The following TRDN variants were observed in gnomAD, a reference collection of about 807,000 sequenced individuals.
TRDN encodes triadin, also known as triadin in skeletal muscle.
In TRDN, 161 loss-of-function variants were observed where a neutral mutation model predicts 149.7. The ratio of observed to expected loss-of-function variants is 1.08; its 90% CI spans 0.95 to 1.23. The LOEUF is 1.23. Among genes scored for constraint, TRDN ranks in the 50% most tolerant of loss-of-function variants. The pLI is 0.00. For missense variants in TRDN, 896 were observed against 823.5 expected (o/e 1.09, Z -1.08); for synonymous variants, 294 against 250.5 (o/e 1.17, Z -1.64).
intron 38 of TRDN, among the ~76,000 whole-genome samples, chr6:123,233,759 G>A (rs1420246011): frequency 1.3e-5 from 2 of 151,984 alleles, no homozygotes; most frequent in Non-Finnish European, 2.9e-5. Flanking sequence ...GCTTTAAAAA[G>A]TGAGATTGTT....
At chr6:123,510,979 G>A (rs1273238589) in intron 7 of TRDN, among the ~76,000 whole-genome samples, 2 of 152,114 alleles carry the variant, frequency 1.3e-5, no homozygotes, top group East Asian at 3.9e-4. Flanking sequence ...ATCATTTATG[G>A]TGCAGAAGTT....
intron 23 of TRDN, 33 bp downstream of exon 23, chr6:123,331,846 A>T: frequency 7.0e-7 from 1 of 1,438,248 alleles, no homozygotes. Flanking sequence ...AAGGCAGATC[A>T]ATGTGGCTTC....
Position 123,377,717 on chromosome 6 carries a change from T to C in TRDN, c.1245A>G (p.Ser415=). 2 of 1,613,174 alleles carry C rather than the reference T, an allele frequency of 1.2e-6. No individual in the cohort carries two copies. Among genetic ancestry groups the C allele is most frequent in the East Asian group, 2.2e-5 (1 of 44,844 alleles). ...EPAKSPKKEH[S]VPSDKQVKAK... is the part of the protein sequence containing the mutation. ...TCCAGCAACAGTGGTCTTACTCACC[T>C]GAGTGTTCTTTCTTTGGTGACTTTG... The change falls in exon 18 of 41, where the codon TCA becomes TCG. Residue 415 remains serine (S), a splice_region_variant and synonymous_variant. Coordinates refer to ENST00000334268, the MANE Select transcript of TRDN (RefSeq NM_006073.4).
At chr6:123,291,371 T>C (rs181761288) in intron 24 of TRDN, among the ~76,000 whole-genome samples, 3 of 152,132 alleles carry the variant, frequency 2.0e-5, no homozygotes, top group African/African-American at 7.2e-5. Context: ...GGGACCATCC[T>C]GGCTAACACG....
chr6:123,533,480 GT>G (rs1301123040), intron 4 of TRDN, among the ~76,000 whole-genome samples: 1 of 152,054 alleles, frequency 6.6e-6, no homozygotes, highest in Non-Finnish European at 1.5e-5. Flanking sequence ...AGTTGTGGTG[GT>G]TTTGGGGACT....
chr6:123,362,178 C>T (rs1780933727), intron 20 of TRDN, among the ~76,000 whole-genome samples: 1 of 151,982 alleles, frequency 6.6e-6, no homozygotes, highest in Admixed American at 6.6e-5. Flanking sequence ...TGTGAAATTC[C>T]ACTGAATATA....
chr6:123,417,982 T>C (rs1459639635), intron 12 of TRDN, among the ~76,000 whole-genome samples: 1 of 152,216 alleles, frequency 6.6e-6, no homozygotes, highest in Non-Finnish European at 1.5e-5. Flanking sequence ...ACAGTGGCTA[T>C]TTTTGTCAAG....
At chr6:123,545,146 T>C (rs1781050876) in intron 4 of TRDN, among the ~76,000 whole-genome samples, 1 of 151,980 alleles carries the variant, frequency 6.6e-6, no homozygotes. Flanking sequence ...ATTGAATATA[T>C]ATGAATTGAG....
intron 1 of TRDN, among the ~76,000 whole-genome samples, chr6:123,582,270 TTTATTATC>T (rs1157348852): frequency 5.9e-5 from 9 of 152,208 alleles, no homozygotes; most frequent in African/African-American, 1.9e-4. Flanking sequence ...TAAGAGTTAG[TTTATTATC>T]TAACAACCCA....
intron 12 of TRDN, among the ~76,000 whole-genome samples, chr6:123,432,467 C>T (rs1367336176): frequency 6.6e-6 from 1 of 151,802 alleles, no homozygotes; most frequent in African/African-American, 2.4e-5. Flanking sequence ...ACCAAATACT[C>T]ATCAAACTAT....
intron 21 of TRDN, chr6:123,351,298 T>C: frequency 9.5e-6 from 9 of 952,350 alleles, no homozygotes; most frequent in Non-Finnish European, 1.1e-5. Flanking sequence ...GTTTGCCCTA[T>C]ACAACATCTT....
chr6:123,474,406 G>C (rs563410816), intron 9 of TRDN, among the ~76,000 whole-genome samples: 21 of 152,090 alleles, frequency 1.4e-4, no homozygotes, highest in Non-Finnish European at 2.2e-4. Flanking sequence ...CCCAATACAG[G>C]AGTACCAAGA....
chr6:123,420,124 G>A (rs551636408), intron 12 of TRDN, among the ~76,000 whole-genome samples: 9 of 152,190 alleles, frequency 5.9e-5, no homozygotes, highest in Non-Finnish European at 1.2e-4. Flanking sequence ...GACAATAAAT[G>A]TAAGTTCCTT....
chr6:123,527,321 C>T lies in TRDN; in HGVS notation c.484+3185G>A, dbSNP rs184982973. Reference sequence around the variant, plus strand: ...TTCTTTGAAGTTAGTCTGTATATATCTTTTTATTTAAAACATCTGTGGGCA... The same window carrying T: ...TTCTTTGAAGTTAGTCTGTATATATTTTTTTATTTAAAACATCTGTGGGCA... On this transcript the variant is annotated intron_variant, in intron 5 of 40. Coordinates refer to ENST00000334268, the MANE Select transcript of TRDN (RefSeq NM_006073.4). Among the ~76,000 whole-genome samples the T allele has an allele frequency of 1.6e-3, 246 of 151,920 alleles. 1 individual carries two copies. Among genetic ancestry groups the T allele is most frequent in the African/African-American group, 5.5e-3 (230 of 41,460 alleles).
intron 24 of TRDN, among the ~76,000 whole-genome samples, chr6:123,283,630 A>G (rs1777683898): frequency 6.6e-6 from 1 of 151,566 alleles, no homozygotes; most frequent in Non-Finnish European, 1.5e-5. Context: ...TACAACTGAC[A>G]CCACAAAAAT....
At chr6:123,390,803 T>C (rs1451695067) in intron 13 of TRDN, among the ~76,000 whole-genome samples, 2 of 152,060 alleles carry the variant, frequency 1.3e-5, no homozygotes, top group African/African-American at 4.8e-5. Flanking sequence ...AATAACTGGG[T>C]TTTTGGTTTT....
intron 26 of TRDN, among the ~76,000 whole-genome samples, chr6:123,275,922 C>T (rs1777353416): frequency 6.6e-6 from 1 of 152,052 alleles, no homozygotes; most frequent in Admixed American, 6.6e-5. Context: ...CTTCTAGAGA[C>T]CGTGAAGTTT....
chr6:123,429,111 C>G (rs186137806), intron 12 of TRDN: 1 of 152,208 alleles, frequency 6.6e-6, no homozygotes, highest in East Asian at 1.9e-4. Context: ...CTAAAGCAGT[C>G]TACCACCATT....
At chr6:123,502,610 G>A in intron 8 of TRDN, 1 of 984,628 alleles carries the variant, frequency 1.0e-6, no homozygotes. Flanking sequence ...TACAGTACGA[G>A]TGCATTGCAA....
Sources: allele counts gnomAD v4.1 joint callset (sites outside exome capture counted in the v4.1 genomes callset), GRCh38; gene constraint gnomAD v4.1.1; transcripts MANE v1.5; gene names NCBI Gene and HGNC (gene_info 2026-07-23, HGNC 2026-07-21).